Variants in RERE observed in about 807,000 individuals in gnomAD.
RERE encodes the protein arginine-glutamic acid dipeptide repeats protein.
In RERE, 40 loss-of-function variants were observed where a neutral mutation model predicts 146.1. That is an observed-to-expected ratio of 0.27 (90% CI 0.21 to 0.36). The LOEUF (loss-of-function observed/expected upper bound fraction) is 0.36, where lower values mean the gene tolerates loss of function less well. RERE is among the 10% of genes least tolerant of loss of function. The pLI is 1.00. For missense variants in RERE, 1,933 were observed against 2,138.7 expected (o/e 0.90, Z 1.90); for synonymous variants, 1,003 against 866.0 (o/e 1.16, Z -2.78).
At chr1:8,728,750 G>A (rs1640021910) in intron 1 of RERE, among the ~76,000 whole-genome samples, 1 of 152,166 alleles carries the variant, frequency 6.6e-6, no homozygotes. Flanking sequence ...AGTAATCTTG[G>A]GGATCCCATC....
chr1:8,488,378 TG>T (rs1274260207), intron 10 of RERE, among the ~76,000 whole-genome samples: 1 of 152,124 alleles, frequency 6.6e-6, no homozygotes, highest in East Asian at 1.9e-4. Flanking sequence ...CCTGAATAGC[TG>T]AGATTACACG....
In RERE at chr1:8,656,098, G is replaced by T; in HGVS notation, c.200C>A (p.Thr67Asn). The change falls in exon 2 of 23, where the codon ACC (threonine) becomes AAC (asparagine). Residue 67 changes from threonine (T) to asparagine (N), a missense_variant. By Grantham distance (65) the Thr-to-Asn change is moderately conservative (BLOSUM62 0). Around this residue, in one of 11 missense-constraint regions of RERE, gnomAD observed 107 missense variants for 119.7 expected, o/e 0.89. Coordinates refer to ENST00000400908, the MANE Select transcript of RERE (RefSeq NM_001042681.2). Reference protein sequence around the residue: ...EDEDNDNNSATAEESTKKNKK... With the variant: ...EDEDNDNNSANAEESTKKNKK... The stretch of plus-strand genomic sequence containing the variant: ...ATTCTTCTTCGTGGACTCCTCTGCG[G>T]TGGCACTATTGTTGTCATTGTCCTC... 6.2e-7 allele frequency: 1 copy of T among 1,614,032 alleles called. No homozygotes were observed. Among genetic ancestry groups the T allele is most frequent in the Non-Finnish European group, 8.5e-7 (1 of 1,179,986 alleles).
At chr1:8,554,590 G>T (rs900009599) in intron 6 of RERE, among the ~76,000 whole-genome samples, 1 of 146,674 alleles carries the variant, frequency 6.8e-6, no homozygotes, top group Non-Finnish European at 1.5e-5. Flanking sequence ...GGGGAGGTAG[G>T]ATTGCCTGAG....
At chr1:8,429,554 CAG>C (rs1002519489) in intron 11 of RERE, among the ~76,000 whole-genome samples, 6 of 152,302 alleles carry the variant, frequency 3.9e-5, no homozygotes, top group African/African-American at 9.6e-5. Flanking sequence ...GAGCAGAAGA[CAG>C]GGGCTAAGCT....
intron 4 of RERE, among the ~76,000 whole-genome samples, chr1:8,608,105 T>A (rs1646744313): frequency 6.6e-6 from 1 of 151,762 alleles, no homozygotes; most frequent in African/African-American, 2.4e-5. Flanking sequence ...TTCAACCTGG[T>A]CTTGAACTCC....
At chr1:8,784,665 G>A (rs768910259) in intron 1 of RERE, among the ~76,000 whole-genome samples, 7 of 152,032 alleles carry the variant, frequency 4.6e-5, no homozygotes, top group Non-Finnish European at 1.0e-4. Context: ...CCAAATCTTT[G>A]TTCTCAAGCT....
At chr1:8,698,287 A>G (rs1305115025) in intron 1 of RERE, among the ~76,000 whole-genome samples, 2 of 152,182 alleles carry the variant, frequency 1.3e-5, no homozygotes, top group Non-Finnish European at 2.9e-5. Context: ...ATCCTGAAGA[A>G]CATGCAAAAG....
At chr1:8,776,094 A>G (rs1041603124) in intron 1 of RERE, among the ~76,000 whole-genome samples, 3 of 152,248 alleles carry the variant, frequency 2.0e-5, no homozygotes, top group African/African-American at 7.2e-5. Flanking sequence ...ACACCAAATT[A>G]GTACATCGCT....
intron 12 of RERE, among the ~76,000 whole-genome samples, chr1:8,395,490 A>T (rs1220503180): frequency 6.7e-6 from 1 of 148,296 alleles, no homozygotes; most frequent in Non-Finnish European, 1.5e-5. Context: ...AAAAAAAAAA[A>T]GAATGAACAA....
intron 10 of RERE, among the ~76,000 whole-genome samples, chr1:8,487,884 A>C (rs1557654383): frequency 6.6e-6 from 1 of 152,170 alleles, no homozygotes; most frequent in Non-Finnish European, 1.5e-5. Flanking sequence ...CAAACAGGAA[A>C]TACTTAGGAG....
At chr1:8,412,091 C>T (rs1449750057) in intron 12 of RERE, among the ~76,000 whole-genome samples, 1 of 152,146 alleles carries the variant, frequency 6.6e-6, no homozygotes, top group Non-Finnish European at 1.5e-5. Flanking sequence ...CACCAAATCC[C>T]AAAGGTGCTG....
At position 8,586,358 on chromosome 1, in the gene RERE, C is replaced by G. The variant is rs183502153; in HGVS notation, c.522+28203G>C. On this transcript the variant is annotated intron_variant, in intron 4 of 22. Coordinates refer to ENST00000400908, the MANE Select transcript of RERE (RefSeq NM_001042681.2). ...AGAAGGAATTGTCATTGCAGAGGACCTCGAAGATGGCTGGCCACGTCCTGT... is the reference window on the plus strand; with the variant it reads ...AGAAGGAATTGTCATTGCAGAGGACGTCGAAGATGGCTGGCCACGTCCTGT... 8.5e-5 allele frequency among the ~76,000 whole-genome samples: 13 copies of G among 152,204 alleles called. No homozygotes were observed. In the East Asian group the frequency reaches 2.3e-3, roughly 27 times the overall value.
chr1:8,714,092 C>T (rs891952189), intron 1 of RERE, among the ~76,000 whole-genome samples: 1 of 152,072 alleles, frequency 6.6e-6, no homozygotes, highest in Non-Finnish European at 1.5e-5. Flanking sequence ...TGGCTAATAC[C>T]ACAAAGTTTG....
At chr1:8,683,215 C>T (rs1017701126) in intron 1 of RERE, among the ~76,000 whole-genome samples, 16 of 152,110 alleles carry the variant, frequency 1.1e-4, no homozygotes, top group African/African-American at 3.4e-4. Flanking sequence ...CCCAGCCTCA[C>T]GCCAAGCCAT....
intron 1 of RERE, among the ~76,000 whole-genome samples, chr1:8,805,635 G>A (rs553285317): frequency 2.1e-5 from 3 of 145,982 alleles, no homozygotes; most frequent in South Asian, 2.2e-4. Context: ...GGCGATAAGA[G>A]TGAGAATCCG....
At chr1:8,772,670 C>T (rs999759978) in intron 1 of RERE, among the ~76,000 whole-genome samples, 1 of 152,170 alleles carries the variant, frequency 6.6e-6, no homozygotes, top group Non-Finnish European at 1.5e-5. Flanking sequence ...CCAGCAGCTA[C>T]TCAGGAGGCT....
At chr1:8,775,051 C>G (rs933289799) in intron 1 of RERE, among the ~76,000 whole-genome samples, 5 of 146,432 alleles carry the variant, frequency 3.4e-5, no homozygotes, top group East Asian at 2.1e-4. Context: ...ACCTCCACTT[C>G]CCGGGTTCAA....
chr1:8,501,572 G>A (rs1173485745), intron 8 of RERE, among the ~76,000 whole-genome samples: 1 of 129,614 alleles, frequency 7.7e-6, no homozygotes, highest in Admixed American at 7.1e-5. Context: ...ACCGGGAAGT[G>A]AGGACCCCTC....
At chr1:8,721,896 T>C (rs1639871647) in intron 1 of RERE, among the ~76,000 whole-genome samples, 1 of 152,218 alleles carries the variant, frequency 6.6e-6, no homozygotes, top group Admixed American at 6.5e-5. Context: ...AGCTGAACAG[T>C]CAGCTACCAG....
Sources: allele counts gnomAD v4.1 joint callset (sites outside exome capture counted in the v4.1 genomes callset), GRCh38; gene constraint gnomAD v4.1.1; regional missense constraint gnomAD v4.1.1; transcripts MANE v1.5; gene names NCBI Gene and HGNC (gene_info 2026-07-23, HGNC 2026-07-21).